NUBP1: variants seen among roughly 807,000 people sequenced by gnomAD.
The protein encoded by NUBP1 is NUBP iron-sulfur cluster assembly factor 1, cytosolic.
In NUBP1, 46 loss-of-function variants were observed where a neutral mutation model predicts 41.8. The observed-to-expected ratio is 1.10, with a 90% CI of 0.87 to 1.41. The LOEUF is 1.41. NUBP1 is among the 40% of genes most tolerant of loss of function. NUBP1 has a pLI of 0.00. For synonymous variants in NUBP1, 189 were observed against 154.6 expected (o/e 1.22, Z -1.65); for missense variants, 494 against 414.0 (o/e 1.19, Z -1.68).
rs1900221962 is a variant in NUBP1, at chr16:10,749,521, C to A, written c.258+2245C>A. On this transcript the variant is annotated intron_variant, in intron 3 of 10. Transcript: ENST00000283027. This position sits in a 1 kb window ranked among gnomAD's most constrained non-coding sequence, Gnocchi z 4.1. ...GCTAGATCAGCTGTATTTTTTTATG[C>A]AGTGGTGGTTTAAAAAAAAAAGAAG... Among the ~76,000 whole-genome samples the A allele has an allele frequency of 1.3e-5, 2 of 151,916 alleles. No homozygotes were observed. The highest frequency in any genetic ancestry group is 6.6e-5 in the Admixed American group (1 of 15,252).
intron 2 of NUBP1, 140 bp from the exon 3 acceptor site, chr16:10,747,003 A>C (rs1900092048): frequency 2.2e-6 from 2 of 896,448 alleles, no homozygotes; most frequent in Admixed American, 2.4e-5. Flanking sequence ...CCATTGTCTG[A>C]GAGGTATTTC....
chr16:10,751,888 T>C (rs1255228200), intron 3 of NUBP1, among the ~76,000 whole-genome samples: 3 of 152,208 alleles, frequency 2.0e-5, no homozygotes, highest in Non-Finnish European at 4.4e-5. Context: ...AGAGCCCCAG[T>C]TGGGGCCGAA....
intron 8 of NUBP1, 30 bp from the exon 9 acceptor site, chr16:10,761,727 T>C (rs1174754932): frequency 1.9e-6 from 3 of 1,562,718 alleles, no homozygotes; most frequent in Non-Finnish European, 2.6e-6. Context: ...AAAAAAATTA[T>C]GTTTCCTCCC....
chr16:10,749,126 TACACACACAC>T lies in NUBP1; in HGVS notation c.258+1885_258+1894del, dbSNP rs58201009. On this transcript the variant is annotated intron_variant, in intron 3 of 10. Coordinates refer to ENST00000283027, the MANE Select transcript of NUBP1 (RefSeq NM_002484.4). This position sits in a 1 kb window ranked among gnomAD's most constrained non-coding sequence, Gnocchi z 4.1. Reference sequence around the variant, plus strand: ...GGATATAGATAGATACACAGACACATACACACACACACACACACACACACACACACACACA... The same window carrying T: ...GGATATAGATAGATACACAGACACATACACACACACACACACACACACACA... Among the ~76,000 whole-genome samples, 348 of 121,082 alleles carry T rather than the reference TACACACACAC, an allele frequency of 2.9e-3. 2 individuals are homozygous for T. Among genetic ancestry groups the T allele is most frequent in the African/African-American group, 8.2e-3 (264 of 32,228 alleles). 79.4% of individuals were successfully genotyped at this position (121,082 alleles called of 152,430 possible).
intron 2 of NUBP1, 138 bp downstream of exon 2, chr16:10,744,203 G>A (rs1283371075): frequency 3.7e-6 from 3 of 820,310 alleles, no homozygotes; most frequent in African/African-American, 1.8e-5. Context: ...GAGGGGTGGG[G>A]CCCAGAAGGG....
chr16:10,752,210 G>C (rs1900349349), intron 3 of NUBP1, among the ~76,000 whole-genome samples: 1 of 152,222 alleles, frequency 6.6e-6, no homozygotes, highest in South Asian at 2.1e-4. Context: ...GCAAAAGAGA[G>C]CTGTTTAGGG....
intron 7 of NUBP1, among the ~76,000 whole-genome samples, chr16:10,758,931 G>A (rs1349341352): frequency 1.3e-5 from 2 of 152,160 alleles, no homozygotes; most frequent in African/African-American, 2.4e-5. Context: ...TGTAAGTCCT[G>A]CAGAGAGCAA....
At chr16:10,748,399 A>G (rs1489390632) in intron 3 of NUBP1, among the ~76,000 whole-genome samples, 1 of 152,182 alleles carries the variant, frequency 6.6e-6, no homozygotes, top group Admixed American at 6.6e-5. Context: ...CCATGCATAC[A>G]GACGAGCATG....
At position 10,768,910 on chromosome 16, in the gene NUBP1, T is replaced by C; in HGVS notation, c.905-137T>C. 1.4e-6 allele frequency: 1 copy of C among 722,918 alleles called. No homozygotes were observed. Among genetic ancestry groups the C allele is most frequent in the South Asian group, 1.8e-5 (1 of 56,402 alleles). 44.8% of individuals were successfully genotyped at this position (722,918 alleles called of 1,614,324 possible). A position where few individuals can be genotyped will look rare whatever the true frequency, so the allele number is the denominator to read the frequency against. On this transcript the variant is annotated intron_variant, in intron 10 of 10. Coordinates refer to ENST00000283027, the MANE Select transcript of NUBP1 (RefSeq NM_002484.4). The surrounding 1 kb of genome is among the most constrained non-coding windows in gnomAD (Gnocchi z 4.3). ...CGGTCACTTTCAAAGACTCAGGGCATCACAGACACAGGTCTTTTTATGGAA... is the reference window on the plus strand; with the variant it reads ...CGGTCACTTTCAAAGACTCAGGGCACCACAGACACAGGTCTTTTTATGGAA...
chr16:10,766,481 G>A lies in NUBP1; in HGVS notation c.821-1468G>A, dbSNP rs138300760. On this transcript the variant is annotated intron_variant, in intron 9 of 10. Coordinates refer to ENST00000283027, the MANE Select transcript of NUBP1 (RefSeq NM_002484.4). The surrounding 1 kb of genome is among the most constrained non-coding windows in gnomAD (Gnocchi z 4.8). ...GGAGCCCTCTGGGGAAGGGAGACCT[G>A]GGTGAAAGTCAGGGACAGAAAGTAG... Among the ~76,000 whole-genome samples the A allele has an allele frequency of 9.9e-5, 15 of 152,248 alleles. No individual in the cohort carries two copies. The highest frequency in any genetic ancestry group is 9.2e-4 in the Admixed American group (14 of 15,294).
rs1301203470 is a variant in NUBP1 at position 10,749,047 on chromosome 16, C to T, written c.258+1771C>T. Among the ~76,000 whole-genome samples, 1 of 151,004 alleles carries T rather than the reference C, an allele frequency of 6.6e-6. No homozygotes were observed. The highest frequency in any genetic ancestry group is 2.4e-5 in the African/African-American group (1 of 40,986). The stretch of plus-strand genomic sequence containing the variant: ...CGGAGGTCGCGGTGGGCCAAGATTG[C>T]CCTACTGCACTCCAGCCTGGGTGAC... On this transcript the variant is annotated intron_variant, in intron 3 of 10. Coordinates refer to ENST00000283027, the MANE Select transcript of NUBP1 (RefSeq NM_002484.4). This position sits in a 1 kb window ranked among gnomAD's most constrained non-coding sequence, Gnocchi z 4.1.
Position 10,768,308 on chromosome 16 carries a change from TA to T in NUBP1, c.904+288del, listed in dbSNP as rs35848081. 56,192 of 174,586 alleles carry T rather than the reference TA, an allele frequency of 0.32. 8,707 individuals carry two copies. The highest frequency in any genetic ancestry group is 0.48 in the African/African-American group (19,483 of 40,586). The allele number at this position is 174,586 out of a possible 1,614,324, so 10.8% of individuals were successfully genotyped here. A position where few individuals can be genotyped will look rare whatever the true frequency, so the allele number is the denominator to read the frequency against. On this transcript the variant is annotated intron_variant, in intron 10 of 10. Coordinates refer to ENST00000283027, the MANE Select transcript of NUBP1 (RefSeq NM_002484.4). The surrounding 1 kb of genome is among the most constrained non-coding windows in gnomAD (Gnocchi z 4.3). Reference sequence around the variant, plus strand: ...GTAATTCATTTTTAAAAGTAACTGATAAAAAAAAAAAAGGCCAGGTGCAGTG... The same window carrying T: ...GTAATTCATTTTTAAAAGTAACTGATAAAAAAAAAAAGGCCAGGTGCAGTG...
rs567159677 is a variant in NUBP1 at position 10,766,617 on chromosome 16, G to A, written c.821-1332G>A. On this transcript the variant is annotated intron_variant, in intron 9 of 10. Transcript: ENST00000283027. This position sits in a 1 kb window ranked among gnomAD's most constrained non-coding sequence, Gnocchi z 4.8. The stretch of plus-strand genomic sequence containing the variant: ...ATGGTCTCATGGGCCCAGCGTTAAC[G>A]GCGGAGGATGTCCAGGTTCTTGGTG... The A allele has an allele frequency of 6.6e-5, 13 of 197,152 alleles. No individual in the cohort carries two copies. The highest frequency in any genetic ancestry group is 1.9e-4 in the South Asian group (1 of 5,210). 12.2% of individuals were successfully genotyped at this position (197,152 alleles called of 1,614,324 possible).
chr16:10,756,755 T>C lies in NUBP1; in HGVS notation c.426T>C (p.Val142=), dbSNP rs1316223223. 1.9e-6 allele frequency: 3 copies of C among 1,591,028 alleles called. No homozygotes were observed. The highest frequency in any genetic ancestry group is 2.7e-5 in the African/African-American group (2 of 73,194). Residue 142 remains valine (V), a synonymous_variant, in exon 6 of 11, where the codon GTT becomes GTC. Coordinates refer to ENST00000283027, the MANE Select transcript of NUBP1 (RefSeq NM_002484.4). ...TGCTCAGCAGTCCTGATGATGCTGT[T>C]ATCTGGAGGGGACCCAAGAAAAACG... The part of the protein sequence containing the change: ...GFLLSSPDDA[V]IWRGPKKNGM...
At position 10,757,446 on chromosome 16, in the gene NUBP1, C is replaced by G. The variant is rs902913446; in HGVS notation, c.452-427C>G. 1.3e-5 allele frequency among the ~76,000 whole-genome samples: 2 copies of G among 152,180 alleles called. No homozygotes were observed. Among genetic ancestry groups the G allele is most frequent in the Non-Finnish European group, 2.9e-5 (2 of 68,040 alleles). ...ATCAGGGCAAGCTTTAGCCTCAGCA[C>G]TATTGATATTTTGAGCCAGATAAGT... On this transcript the variant is annotated intron_variant, in intron 6 of 10. Transcript: ENST00000283027. The surrounding 1 kb of genome is among the most constrained non-coding windows in gnomAD (Gnocchi z 4.1).
Position 10,765,327 on chromosome 16 carries a change from T to TAAA in NUBP1, c.821-2602_821-2600dup, listed in dbSNP as rs533208449. Among the ~76,000 whole-genome samples, 28 of 111,242 alleles carry TAAA rather than the reference T, an allele frequency of 2.5e-4. No homozygotes were observed. Among genetic ancestry groups the TAAA allele is most frequent in the Non-Finnish European group, 3.4e-4 (19 of 56,624 alleles). 73.0% of individuals were successfully genotyped at this position (111,242 alleles called of 152,430 possible). A position where few individuals can be genotyped will look rare whatever the true frequency, so the allele number is the denominator to read the frequency against. ...TAACACAGGAAGATACCTCATCTCTTAAAAAAAAAAAAAAAAAAAAAAGGA... is the reference window on the plus strand; with the variant it reads ...TAACACAGGAAGATACCTCATCTCTTAAAAAAAAAAAAAAAAAAAAAAAAAGGA... On this transcript the variant is annotated intron_variant, in intron 9 of 10. Coordinates refer to ENST00000283027, the MANE Select transcript of NUBP1 (RefSeq NM_002484.4). This position sits in a 1 kb window ranked among gnomAD's most constrained non-coding sequence, Gnocchi z 4.0.
chr16:10,746,234 G>A (rs1344413140), intron 2 of NUBP1, among the ~76,000 whole-genome samples: 1 of 152,168 alleles, frequency 6.6e-6, no homozygotes, highest in Non-Finnish European at 1.5e-5. Flanking sequence ...TTTATACCTC[G>A]TGTATTGTTT....
At chr16:10,756,236 G>A (rs775787862) in intron 5 of NUBP1, among the ~76,000 whole-genome samples, 25 of 152,172 alleles carry the variant, frequency 1.6e-4, no homozygotes, top group Admixed American at 3.9e-4. Flanking sequence ...AAAATTAGCC[G>A]AGCATGGTGG....
rs373838833 is a variant in NUBP1 at position 10,755,969 on chromosome 16, A to T, written c.360+216A>T. Among the ~76,000 whole-genome samples the T allele has an allele frequency of 7.2e-5, 11 of 152,236 alleles. 1 individual carries two copies. In the East Asian group the frequency reaches 1.3e-3, roughly 19 times the overall value. The stretch of plus-strand genomic sequence containing the variant: ...TACATTCCTTGCTGTTGTAGCACAA[A>T]AGTAGTAATATGTAACTGAACAACC... On this transcript the variant is annotated intron_variant, in intron 5 of 10. Transcript: ENST00000283027.
Sources: allele counts gnomAD v4.1 joint callset (sites outside exome capture counted in the v4.1 genomes callset), GRCh38; gene constraint gnomAD v4.1.1; non-coding constraint Gnocchi (gnomAD v3.1); transcripts MANE v1.5; gene names NCBI Gene and HGNC (gene_info 2026-07-23, HGNC 2026-07-21).